BCL9: variants seen among roughly 807,000 people sequenced by gnomAD.
BCL9 encodes the protein B-cell CLL/lymphoma 9 protein.
In BCL9, 25 loss-of-function variants were observed where a neutral mutation model predicts 88.5. The ratio of observed to expected loss-of-function variants is 0.28; its 90% confidence interval spans 0.21 to 0.39. The LOEUF (loss-of-function observed/expected upper bound fraction) is 0.39, where lower values mean the gene tolerates loss of function less well. Among genes scored for constraint, BCL9 ranks in the 10% least tolerant of loss-of-function variants. BCL9 has a pLI of 1.00. For synonymous variants in BCL9, 711 were observed against 673.3 expected, an observed-to-expected ratio of 1.06 and a Z score of -0.87; for missense variants, 1,817 against 1,877.8, an observed-to-expected ratio of 0.97 and a Z score of 0.60.
In BCL9 at chr1:147,620,723, T is replaced by G; in HGVS notation, c.2568T>G (p.His856Gln). The G allele has an allele frequency of 6.2e-7, 1 of 1,614,130 alleles. No homozygotes were observed. Among genetic ancestry groups the G allele is most frequent in the Non-Finnish European group, 8.5e-7 (1 of 1,180,030 alleles). Residue 856 changes from histidine (H) to glutamine (Q), a missense_variant, in exon 8 of 10, where the codon CAT (histidine) becomes CAG (glutamine). Physicochemically the swap from His to Gln is conservative, Grantham distance 24. Transcript: ENST00000234739. ...LDISVAGSQV[H>Q]SPGINPLKSP... ...TATCTGTGGCAGGCAGCCAGGTGCA[T>G]TCCCCAGGCATTAACCCTCTGAAGT...
Position 147,619,707 on chromosome 1 carries a change from T to C in BCL9, c.1552T>C (p.Tyr518His), listed in dbSNP as rs1308661099. The C allele has an allele frequency of 1.2e-6, 2 of 1,613,768 alleles. No individual in the cohort carries two copies. The highest frequency in any genetic ancestry group is 1.7e-6 in the Non-Finnish European group (2 of 1,179,972). The change falls in exon 8 of 10, where the codon TAC (tyrosine) becomes CAC (histidine). Residue 518 changes from tyrosine to histidine, a missense_variant. By Grantham distance (83) the Tyr-to-His change is moderately conservative. Coordinates refer to ENST00000234739, the MANE Select transcript of BCL9 (RefSeq NM_004326.4). This position sits in a 1 kb window ranked among gnomAD's most constrained non-coding sequence, Gnocchi z 4.1. Reference sequence around the variant, plus strand: ...AGTGGTCCGAGGACCCCCCCCTCCATACCAGATGACCCCTAGTGAAGGCTG... The same window carrying C: ...AGTGGTCCGAGGACCCCCCCCTCCACACCAGATGACCCCTAGTGAAGGCTG... The part of the protein sequence containing the change: ...RGVVRGPPPP[Y>H]QMTPSEGWAP...
chr1:147,557,317 G>T (rs1655158125), intron 1 of BCL9, among the ~76,000 whole-genome samples: 1 of 152,160 alleles, frequency 6.6e-6, no homozygotes, highest in South Asian at 2.1e-4. Flanking sequence ...AGCACAAAAA[G>T]TCTTTCTGGT....
At chr1:147,623,153 TCTATTCTGA>T (rs1375710128) in intron 9 of BCL9, among the ~76,000 whole-genome samples, 3 of 152,116 alleles carry the variant, frequency 2.0e-5, no homozygotes, top group African/African-American at 7.2e-5. Context: ...TGGTTCCAGT[TCTATTCTGA>T]TTGTTACAAA....
At chr1:147,565,925 C>A (rs1245927633) in intron 1 of BCL9, among the ~76,000 whole-genome samples, 1 of 152,134 alleles carries the variant, frequency 6.6e-6, no homozygotes, top group African/African-American at 2.4e-5. Context: ...CAGAGGCCAG[C>A]GCTTTTCTAG....
At chr1:147,618,685 G>A (rs782600429) in intron 7 of BCL9, 131 bp from the exon 8 acceptor site, 2 of 905,234 alleles carry the variant, frequency 2.2e-6, no homozygotes, top group South Asian at 6.3e-5. Flanking sequence ...GGTTGTACGT[G>A]AGCAATTTCT....
At chr1:147,558,063 C>T (rs1398424227) in intron 1 of BCL9, among the ~76,000 whole-genome samples, 1 of 152,166 alleles carries the variant, frequency 6.6e-6, no homozygotes, top group Non-Finnish European at 1.5e-5. Flanking sequence ...ACCATACACA[C>T]TATCAATGTT....
Position 147,619,221 on chromosome 1 carries a change from C to A in BCL9, c.1066C>A (p.Leu356Met), listed in dbSNP as rs782573296. Residue 356 changes from leucine to methionine, a missense_variant, in exon 8 of 10, where the codon CTG (leucine) becomes ATG (methionine). Transcript: ENST00000234739. The surrounding 1 kb of genome is among the most constrained non-coding windows in gnomAD (Gnocchi z 4.1). ...ENPDGLSQEQ[L>M]EHRERSLQTL... ...TCCCGATGGCCTATCTCAGGAGCAGCTGGAGCACCGGGAGCGCTCCTTACA... is the reference window on the plus strand; with the variant it reads ...TCCCGATGGCCTATCTCAGGAGCAGATGGAGCACCGGGAGCGCTCCTTACA... 4.4e-5 allele frequency: 71 copies of A among 1,614,020 alleles called. 1 individual carries two copies. In the South Asian group the frequency reaches 7.0e-4, roughly 16 times the overall value.
chr1:147,567,805 C>A (rs1200556119), intron 1 of BCL9, among the ~76,000 whole-genome samples: 1 of 152,152 alleles, frequency 6.6e-6, no homozygotes, highest in Non-Finnish European at 1.5e-5. Context: ...ACCAATCTCT[C>A]CTTCCTTCTA....
chr1:147,575,005 G>C (rs781958891), intron 1 of BCL9, among the ~76,000 whole-genome samples: 2 of 152,166 alleles, frequency 1.3e-5, no homozygotes, highest in Non-Finnish European at 2.9e-5. Context: ...TTAAACCTTT[G>C]AGGGCTGACT....
At position 147,614,577 on chromosome 1, in the gene BCL9, C is replaced by T; in HGVS notation, c.521C>T (p.Ala174Val). The part of the protein sequence containing the change: ...TEPTPAQKTP[A>V]KVVYVFSTEM... ...CCCACACCTGCTCAGAAGACTCCAG[C>T]CAAAGTGGTGTACGTGTTTTCTACT... Residue 174 changes from alanine (A) to valine (V), a missense_variant, in exon 6 of 10, where the codon GCC (alanine) becomes GTC (valine). Transcript: ENST00000234739. The T allele has an allele frequency of 6.2e-7, 1 of 1,614,006 alleles. No homozygotes were observed. Among genetic ancestry groups the T allele is most frequent in the African/African-American group, 1.3e-5 (1 of 75,008 alleles).
intron 1 of BCL9, among the ~76,000 whole-genome samples, chr1:147,556,125 C>A (rs1553195427): frequency 6.6e-6 from 1 of 151,922 alleles, no homozygotes; most frequent in Admixed American, 6.6e-5. Context: ...TACTTATTTA[C>A]TTATTTATTT....
rs1656191595 is a variant in BCL9, at chr1:147,578,056, T to G, written c.-477-26721T>G. 2.6e-5 allele frequency among the ~76,000 whole-genome samples: 4 copies of G among 152,148 alleles called. No individual in the cohort carries two copies. The South Asian group carries it at 8.3e-4, about 32-fold the overall frequency. On this transcript the variant is annotated intron_variant, in intron 1 of 9. Transcript: ENST00000234739. ...CTCTGAAACCTTAATACGATTTGAG[T>G]TTTCCCTCTCAAGGAATAGCTCTTC...
chr1:147,575,999 T>C (rs1390967382), intron 1 of BCL9, among the ~76,000 whole-genome samples: 1 of 151,922 alleles, frequency 6.6e-6, no homozygotes, highest in Non-Finnish European at 1.5e-5. Context: ...AATTCTCAGT[T>C]TTTTTTTCAA....
intron 1 of BCL9, among the ~76,000 whole-genome samples, chr1:147,553,610 G>T (rs1654985254): frequency 6.6e-6 from 1 of 152,150 alleles, no homozygotes; most frequent in African/African-American, 2.4e-5. Flanking sequence ...CAACTGAATT[G>T]AATTCTTGGC....
At chr1:147,564,615 T>A (rs894327884) in intron 1 of BCL9, among the ~76,000 whole-genome samples, 1 of 152,230 alleles carries the variant, frequency 6.6e-6, no homozygotes. Flanking sequence ...AGGATCAAAC[T>A]GTAGCTGTGA....
At chr1:147,576,691 C>G (rs200950021) in intron 1 of BCL9, among the ~76,000 whole-genome samples, 3 of 152,124 alleles carry the variant, frequency 2.0e-5, no homozygotes, top group East Asian at 3.9e-4. Context: ...TTCTGTGTGG[C>G]GATTTATCTC....
At chr1:147,584,932 G>GT (rs1292689905) in intron 1 of BCL9, among the ~76,000 whole-genome samples, 1 of 152,138 alleles carries the variant, frequency 6.6e-6, no homozygotes, top group Non-Finnish European at 1.5e-5. Context: ...GAGGTTGGAG[G>GT]TTTTCTGGCC....
intron 3 of BCL9, among the ~76,000 whole-genome samples, chr1:147,610,279 A>G (rs1657930760): frequency 6.6e-6 from 1 of 152,136 alleles, no homozygotes; most frequent in Non-Finnish European, 1.5e-5. Flanking sequence ...CAGCATAGAA[A>G]CATTCATAAT....
At position 147,612,983 on chromosome 1, in the gene BCL9, C is replaced by G. The variant is rs1557854647; in HGVS notation, c.154C>G (p.Gln52Glu). Reference sequence around the variant, plus strand: ...TTCCAAATTCTCCAATCAGGGTAAACAGGGGGGCTCAGCCAGCCAATCCCA... The same window carrying G: ...TTCCAAATTCTCCAATCAGGGTAAAGAGGGGGGCTCAGCCAGCCAATCCCA... ...LDSKFSNQGK[Q>E]GGSASQSQPS... is the part of the protein sequence containing the mutation. Residue 52 changes from glutamine to glutamate, a missense_variant, in exon 5 of 10, where the codon CAG (glutamine) becomes GAG (glutamate). Coordinates refer to ENST00000234739, the MANE Select transcript of BCL9 (RefSeq NM_004326.4). The G allele has an allele frequency of 4.3e-6, 7 of 1,610,120 alleles. No homozygotes were observed. The highest frequency in any genetic ancestry group is 5.9e-6 in the Non-Finnish European group (7 of 1,178,232).
Sources: gnomAD v4.1 joint callset for allele counts (sites outside exome capture counted in the v4.1 genomes callset) on GRCh38, gnomAD v4.1.1 for gene constraint, Gnocchi (gnomAD v3.1) non-coding constraint, MANE v1.5 for transcripts, NCBI Gene and HGNC (gene_info 2026-07-23, HGNC 2026-07-21) for gene names.